The following SGCZ variants were observed in gnomAD, a reference collection of about 807,000 sequenced individuals.
The protein encoded by SGCZ is sarcoglycan zeta.
A neutral mutation model predicts 41.3 loss-of-function variants in SGCZ; 40 were observed. The observed-to-expected ratio is 0.97, with a 90% CI of 0.75 to 1.26. The LOEUF (loss-of-function observed/expected upper bound fraction) is 1.26, where lower values mean the gene tolerates loss of function less well. Ranked by LOEUF, SGCZ falls within the 50% of genes most tolerant of loss-of-function variation. The pLI is 0.00. For synonymous variants in SGCZ, 206 were observed against 137.5 expected, an observed-to-expected ratio of 1.50 and a Z score of -3.49; for missense variants, 552 against 369.8, an observed-to-expected ratio of 1.49 and a Z score of -4.04.
At chr8:15,225,513 C>A (rs1264736919) in intron 1 of SGCZ, among the ~76,000 whole-genome samples, 1 of 152,160 alleles carries the variant, frequency 6.6e-6, no homozygotes, top group East Asian at 1.9e-4. Flanking sequence ...TGTGCACGCA[C>A]ATGCACGTGT....
At chr8:15,091,165 G>T (rs1484962949) in intron 1 of SGCZ, among the ~76,000 whole-genome samples, 1 of 152,116 alleles carries the variant, frequency 6.6e-6, no homozygotes, top group Admixed American at 6.6e-5. Context: ...ATGGTAGATG[G>T]TTATACACTG....
At chr8:14,874,172 G>A (rs966798211) in intron 1 of SGCZ, among the ~76,000 whole-genome samples, 1 of 152,114 alleles carries the variant, frequency 6.6e-6, no homozygotes, top group Admixed American at 6.6e-5. Flanking sequence ...ATAAAGAAAA[G>A]TATGCTCTGT....
At chr8:14,388,796 G>T (rs1804661802) in intron 2 of SGCZ, among the ~76,000 whole-genome samples, 1 of 150,646 alleles carries the variant, frequency 6.6e-6, no homozygotes, top group Non-Finnish European at 1.5e-5. Context: ...ACCTGCATAT[G>T]TACTCCTGAA....
At chr8:14,374,986 G>A (rs1293410946) in intron 2 of SGCZ, among the ~76,000 whole-genome samples, 1 of 152,118 alleles carries the variant, frequency 6.6e-6, no homozygotes, top group Admixed American at 6.6e-5. Context: ...TCAGGTTTTG[G>A]CAATGGGACA....
At position 14,732,640 on chromosome 8, in the gene SGCZ, C is replaced by T. The variant is rs571860435; in HGVS notation, c.40-177714G>A. Reference sequence around the variant, plus strand: ...AATTAGAAGACTGAGCTGCTGTTTTCGTGAACTGATGCAGGGATTCTGACA... The same window carrying T: ...AATTAGAAGACTGAGCTGCTGTTTTTGTGAACTGATGCAGGGATTCTGACA... On this transcript the variant is annotated intron_variant, in intron 1 of 7. Transcript: ENST00000382080. Among the ~76,000 whole-genome samples, 7 of 152,272 alleles carry T rather than the reference C, an allele frequency of 4.6e-5. No individual in the cohort carries two copies. The South Asian group carries it at 6.2e-4, about 14-fold the overall frequency.
intron 1 of SGCZ, among the ~76,000 whole-genome samples, chr8:14,649,744 G>A (rs1352919155): frequency 1.3e-5 from 2 of 151,992 alleles, no homozygotes; most frequent in Non-Finnish European, 1.5e-5. Context: ...TGAAACAAAC[G>A]CCTGTGAGGC....
chr8:14,576,480 A>T (rs1462155674), intron 1 of SGCZ, among the ~76,000 whole-genome samples: 1 of 152,218 alleles, frequency 6.6e-6, no homozygotes, highest in Admixed American at 6.5e-5. Context: ...AAGTTAGCTA[A>T]GTTAATGTGA....
intron 1 of SGCZ, among the ~76,000 whole-genome samples, chr8:15,008,963 G>C (rs1802722407): frequency 1.3e-5 from 2 of 152,160 alleles, no homozygotes; most frequent in Admixed American, 6.5e-5. Context: ...GCACACACAA[G>C]TGCACACAAT....
intron 1 of SGCZ, among the ~76,000 whole-genome samples, chr8:14,978,033 A>G (rs1035761707): frequency 2.0e-5 from 3 of 152,006 alleles, no homozygotes; most frequent in African/African-American, 4.8e-5. Flanking sequence ...TGTTGACCTC[A>G]TATTTATAGC....
At chr8:15,020,780 A>G (rs1253262307) in intron 1 of SGCZ, among the ~76,000 whole-genome samples, 2 of 152,242 alleles carry the variant, frequency 1.3e-5, no homozygotes, top group Admixed American at 1.3e-4. Flanking sequence ...AGCTAACACA[A>G]CAGTGCTTAT....
chr8:14,924,258 A>G (rs765625610), intron 1 of SGCZ, among the ~76,000 whole-genome samples: 47 of 152,186 alleles, frequency 3.1e-4, no homozygotes, highest in Non-Finnish European at 6.2e-4. Context: ...AGCTAGTTAC[A>G]TCTTCTGTTA....
At chr8:15,069,891 A>G (rs11203676) in intron 1 of SGCZ, among the ~76,000 whole-genome samples, 151,315 of 152,206 alleles carry the variant, frequency 0.99, 75,223 homozygotes, top group East Asian at 1. Context: ...AAGTGTGTGT[A>G]TGCATATCTG....
At chr8:15,175,415 C>T (rs760809715) in intron 1 of SGCZ, among the ~76,000 whole-genome samples, 10 of 151,952 alleles carry the variant, frequency 6.6e-5, no homozygotes, top group East Asian at 1.9e-4. Context: ...GGCCATTATC[C>T]GTACCAAGCT....
At chr8:14,368,743 G>C (rs1217508702) in intron 2 of SGCZ, among the ~76,000 whole-genome samples, 1 of 151,962 alleles carries the variant, frequency 6.6e-6, no homozygotes, top group East Asian at 1.9e-4. Flanking sequence ...TCTGTCTTCT[G>C]AGCACTGTGT....
chr8:14,795,301 T>C (rs1445324099), intron 1 of SGCZ, among the ~76,000 whole-genome samples: 6 of 152,082 alleles, frequency 3.9e-5, no homozygotes, highest in Admixed American at 6.6e-5. Context: ...TAGAAGAAAA[T>C]GGTTGTAAGC....
At chr8:15,005,324 TTTTC>T (rs1802570560) in intron 1 of SGCZ, among the ~76,000 whole-genome samples, 2 of 23,118 alleles carry the variant, frequency 8.7e-5, no homozygotes, top group Non-Finnish European at 2.1e-4. Context: ...GTTTTTTTCT[TTTTC>T]TTTTTTTTTT....
chr8:15,040,433 C>T (rs1159498756), intron 1 of SGCZ, among the ~76,000 whole-genome samples: 2 of 151,998 alleles, frequency 1.3e-5, no homozygotes, highest in African/African-American at 4.8e-5. Flanking sequence ...GGTCAACATG[C>T]TGAAACCCTG....
At chr8:14,632,975 T>TTA (rs538672185) in intron 1 of SGCZ, among the ~76,000 whole-genome samples, 1,805 of 151,628 alleles carry the variant, frequency 0.012, 25 homozygotes, top group African/African-American at 0.033. Context: ...AATAAGTGAA[T>TTA]TATATATATA....
chr8:14,577,267 G>A (rs931762330), intron 1 of SGCZ, among the ~76,000 whole-genome samples: 5 of 151,712 alleles, frequency 3.3e-5, no homozygotes, highest in Admixed American at 1.3e-4. Flanking sequence ...TTTTCTGCTC[G>A]AATACAAGTA....
Sources: gnomAD v4.1 joint callset for allele counts (sites outside exome capture counted in the v4.1 genomes callset) on GRCh38, gnomAD v4.1.1 for gene constraint, MANE v1.5 for transcripts, NCBI Gene and HGNC (gene_info 2026-07-23, HGNC 2026-07-21) for gene names.